The following NRXN3 variants were observed in gnomAD, a reference collection of about 807,000 sequenced individuals.
The protein encoded by NRXN3 is neurexin III.
NRXN3 carries 32 observed loss-of-function variants against 137.6 expected under a neutral mutation model. The ratio of observed to expected loss-of-function variants is 0.23; its 90% CI spans 0.18 to 0.31. The LOEUF is 0.31. Ranked by LOEUF, NRXN3 falls within the 10% of genes least tolerant of loss-of-function variation. The probability of loss-of-function intolerance (pLI) is 1.00; values close to 1 mark genes in which losing one functional copy is unlikely to be tolerated. For missense variants in NRXN3, 1,574 were observed against 2,062.5 expected, an observed-to-expected ratio of 0.76 and a Z score of 4.59; for synonymous variants, 798 against 784.5, an observed-to-expected ratio of 1.02 and a Z score of -0.29.
At chr14:79,131,293 C>T (rs1204376774) in intron 15 of NRXN3, among the ~76,000 whole-genome samples, 8 of 151,912 alleles carry the variant, frequency 5.3e-5, no homozygotes, top group Non-Finnish European at 1.2e-4. Flanking sequence ...TCTGTTTTTT[C>T]CCCATCTTTG....
intron 4 of NRXN3, among the ~76,000 whole-genome samples, chr14:78,630,272 CTTG>C (rs1483979948): frequency 3.3e-5 from 5 of 152,202 alleles, no homozygotes; most frequent in African/African-American, 1.2e-4. Flanking sequence ...ACTTTTGGAT[CTTG>C]TTGATGAAGA....
At chr14:79,274,468 A>G (rs1277446228) in intron 15 of NRXN3, among the ~76,000 whole-genome samples, 1 of 152,228 alleles carries the variant, frequency 6.6e-6, no homozygotes, top group African/African-American at 2.4e-5. Context: ...AGAGATTTCC[A>G]TGGTGCTGAG....
chr14:79,160,417 C>G (rs2060649648), intron 15 of NRXN3, among the ~76,000 whole-genome samples: 1 of 151,906 alleles, frequency 6.6e-6, no homozygotes, highest in African/African-American at 2.4e-5. Context: ...AGTTTTGTTG[C>G]TTTATTCACC....
intron 15 of NRXN3, among the ~76,000 whole-genome samples, chr14:79,130,120 G>C (rs915821757): frequency 1.3e-5 from 2 of 151,016 alleles, no homozygotes; most frequent in African/African-American, 4.9e-5. Context: ...GATGGGTCTT[G>C]ACTCTTTATC....
chr14:78,517,959 T>G (rs1000787220), intron 4 of NRXN3, among the ~76,000 whole-genome samples: 3 of 152,172 alleles, frequency 2.0e-5, no homozygotes, highest in African/African-American at 7.2e-5. Flanking sequence ...GCCTAAACTC[T>G]CTGCCTAGAC....
At chr14:78,259,484 C>T (rs2070318450) in intron 2 of NRXN3, among the ~76,000 whole-genome samples, 1 of 152,134 alleles carries the variant, frequency 6.6e-6, no homozygotes, top group Admixed American at 6.5e-5. Context: ...CCCCTCAAAG[C>T]CATATACCTC....
chr14:79,068,148 G>A (rs981129280), intron 15 of NRXN3, among the ~76,000 whole-genome samples: 2 of 151,916 alleles, frequency 1.3e-5, no homozygotes, highest in East Asian at 3.9e-4. Context: ...TCTTGTATTT[G>A]TCTCTAGTTT....
At chr14:78,497,582 TCATCCATCCATC>T (rs3036594) in intron 4 of NRXN3, among the ~76,000 whole-genome samples, 3,816 of 150,898 alleles carry the variant, frequency 0.025, 125 homozygotes, top group East Asian at 0.083. Context: ...GTCTGTCCAT[TCATCCATCCATC>T]CATCCATCCA....
intron 6 of NRXN3, among the ~76,000 whole-genome samples, chr14:78,702,213 A>G (rs2098288262): frequency 6.6e-6 from 1 of 152,116 alleles, no homozygotes; most frequent in African/African-American, 2.4e-5. Flanking sequence ...GTGTGTGTGC[A>G]TCTCATAAAT....
intron 4 of NRXN3, among the ~76,000 whole-genome samples, chr14:78,306,104 A>G (rs1255328012): frequency 6.6e-6 from 1 of 152,206 alleles, no homozygotes; most frequent in Non-Finnish European, 1.5e-5. Context: ...TAATGTGAAC[A>G]GAAGATTTAT....
chr14:78,830,144 C>T (rs113902856), intron 10 of NRXN3, among the ~76,000 whole-genome samples: 1 of 151,922 alleles, frequency 6.6e-6, no homozygotes, highest in African/African-American at 2.4e-5. Flanking sequence ...TGTATGGGTG[C>T]GTGTGTGTGT....
At chr14:79,372,498 G>A (rs1004414935) in intron 15 of NRXN3, among the ~76,000 whole-genome samples, 2 of 151,954 alleles carry the variant, frequency 1.3e-5, no homozygotes, top group Admixed American at 1.3e-4. Flanking sequence ...TTCCTCATAG[G>A]AAAACTAAAG....
intron 4 of NRXN3, among the ~76,000 whole-genome samples, chr14:78,610,670 G>A (rs1287652448): frequency 6.6e-6 from 1 of 152,238 alleles, no homozygotes; most frequent in Non-Finnish European, 1.5e-5. Context: ...TGTCCTTGAT[G>A]AAACTGGTTT....
chr14:79,530,194 C>G (rs546174281), intron 16 of NRXN3, among the ~76,000 whole-genome samples: 1 of 152,176 alleles, frequency 6.6e-6, no homozygotes, highest in East Asian at 1.9e-4. Flanking sequence ...GAGTCCCCAC[C>G]TATAATCATG....
intron 15 of NRXN3, among the ~76,000 whole-genome samples, chr14:79,016,326 T>G (rs892751463): frequency 2.0e-5 from 3 of 152,168 alleles, no homozygotes; most frequent in Non-Finnish European, 4.4e-5. Context: ...CTCCCTTAAG[T>G]CTTAGGCCCT....
chr14:78,745,301 T>G (rs1283046904), intron 8 of NRXN3: 1 of 152,360 alleles, frequency 6.6e-6, no homozygotes, highest in Non-Finnish European at 1.5e-5. Context: ...ATTCTAAGTC[T>G]GCTGGCCAAG....
intron 2 of NRXN3, among the ~76,000 whole-genome samples, 154 bp from the exon 3 acceptor site, chr14:78,278,491 C>A (rs1298233548): frequency 6.6e-6 from 1 of 152,156 alleles, no homozygotes; most frequent in Non-Finnish European, 1.5e-5. Context: ...GAACTAAGTG[C>A]TCAGAAGCTG....
rs543295307 is a variant in NRXN3 at position 78,870,096 on chromosome 14, T to A, written c.2275+59752T>A. Among the ~76,000 whole-genome samples, 26 of 152,286 alleles carry A rather than the reference T, an allele frequency of 1.7e-4. 1 individual carries two copies. In the South Asian group the frequency reaches 5.4e-3, roughly 32 times the overall value. On this transcript the variant is annotated intron_variant, in intron 10 of 20. Transcript: ENST00000335750. The stretch of plus-strand genomic sequence containing the variant: ...GGAGAATGAAGAACTTAATCAGGTA[T>A]CAAGAGTAATCAGATATCTAAAGTG...
chr14:78,766,577 C>G (rs1388269320), intron 8 of NRXN3, among the ~76,000 whole-genome samples: 2 of 152,314 alleles, frequency 1.3e-5, no homozygotes, highest in Admixed American at 1.3e-4. Context: ...GATGGATCAA[C>G]TTCTTGAACT....
Sources: gnomAD v4.1 joint callset for allele counts (sites outside exome capture counted in the v4.1 genomes callset) on GRCh38, gnomAD v4.1.1 for gene constraint, MANE v1.5 for transcripts, NCBI Gene and HGNC (gene_info 2026-07-23, HGNC 2026-07-21) for gene names.